The following APBA2 variants were observed in gnomAD, a reference collection of about 807,000 sequenced individuals.
The protein encoded by APBA2 is amyloid-beta A4 precursor protein-binding family A member 2.
A neutral mutation model predicts 75.0 loss-of-function variants in APBA2; 30 were observed. That is an observed-to-expected ratio of 0.40 (90% CI 0.30 to 0.54). APBA2 has a LOEUF of 0.54. Ranked by LOEUF, APBA2 falls within the 20% of genes least tolerant of loss-of-function variation. The pLI is 0.49. For synonymous variants in APBA2, 444 were observed against 409.6 expected, an observed-to-expected ratio of 1.08 and a Z score of -1.01; for missense variants, 801 against 1,016.1, an observed-to-expected ratio of 0.79 and a Z score of 2.88.
intron 2 of APBA2, among the ~76,000 whole-genome samples, chr15:28,967,034 G>C (rs2036776277): frequency 1.3e-5 from 2 of 152,166 alleles, no homozygotes. Context: ...TGAGGTGAAG[G>C]ACAGTCTAGT....
At chr15:29,090,150 C>T (rs1008029960) in intron 6 of APBA2, among the ~76,000 whole-genome samples, 4 of 152,290 alleles carry the variant, frequency 2.6e-5, no homozygotes, top group East Asian at 3.9e-4. Flanking sequence ...GATTGTTTCT[C>T]GCTGAACAAA....
intron 1 of APBA2, among the ~76,000 whole-genome samples, chr15:28,914,668 G>A (rs2033584126): frequency 6.6e-6 from 1 of 152,040 alleles, no homozygotes; most frequent in Non-Finnish European, 1.5e-5. Flanking sequence ...CCCAGGAAAA[G>A]TTACAGAAAA....
intron 2 of APBA2, among the ~76,000 whole-genome samples, chr15:28,924,351 A>G (rs1005886699): frequency 6.6e-6 from 1 of 152,178 alleles, no homozygotes; most frequent in African/African-American, 2.4e-5. Context: ...GGCACCCACT[A>G]TCTGTGTCTA....
intron 1 of APBA2, among the ~76,000 whole-genome samples, chr15:28,917,124 G>A (rs1257084420): frequency 1.3e-5 from 2 of 152,138 alleles, no homozygotes; most frequent in Non-Finnish European, 1.5e-5. Context: ...CCAGGGACCC[G>A]GGCAAAGGGT....
intron 4 of APBA2, among the ~76,000 whole-genome samples, chr15:29,073,514 C>A (rs1305296363): frequency 6.6e-6 from 1 of 152,156 alleles, no homozygotes; most frequent in Non-Finnish European, 1.5e-5. Context: ...CCATGCCCGG[C>A]TAATTTTTTG....
At chr15:28,909,719 G>T (rs2033339045) in intron 1 of APBA2, among the ~76,000 whole-genome samples, 1 of 152,192 alleles carries the variant, frequency 6.6e-6, no homozygotes, top group Admixed American at 6.5e-5. Context: ...CCCCCAAAGT[G>T]CAGCAGCAAC....
chr15:29,035,245 TGCTACC>T (rs1256145442), intron 3 of APBA2, among the ~76,000 whole-genome samples: 1 of 152,212 alleles, frequency 6.6e-6, no homozygotes, highest in Non-Finnish European at 1.5e-5. Context: ...AGTAAGGGCT[TGCTACC>T]GGGGCAGAGA....
Position 29,108,621 on chromosome 15 carries a change from TTCCCAGGC to T in APBA2, c.2037+237_2037+244del, listed in dbSNP as rs1294998336. 1.3e-5 allele frequency: 8 copies of T among 634,748 alleles called. No individual in the cohort carries two copies. The African/African-American group carries it at 1.5e-4, about 12-fold the overall frequency. The allele number at this position is 634,748 out of a possible 1,614,324, so 39.3% of individuals were successfully genotyped here. ...GCCGTGGATTGGGCCCCTCCAGCCT[TTCCCAGGC>T]TCCCTTGTCCCCATGGTGGTTGTCC... On this transcript the variant is annotated intron_variant, in intron 13 of 14. Transcript: ENST00000683413.
intron 8 of APBA2, among the ~76,000 whole-genome samples, chr15:29,098,172 T>C (rs2043943355): frequency 6.6e-6 from 1 of 152,202 alleles, no homozygotes; most frequent in African/African-American, 2.4e-5. Flanking sequence ...TGCCCAGCAG[T>C]GGGATTGCTG....
At chr15:29,053,763 AGGTGCTGT>A in intron 3 of APBA2, 74 bp from the exon 4 acceptor site, 3 of 810,220 alleles carry the variant, frequency 3.7e-6, no homozygotes, top group Non-Finnish European at 5.9e-6. Flanking sequence ...ACGTGGTGGG[AGGTGCTGT>A]GGTGAAGTGG....
At chr15:29,109,892 C>T (rs2044636809) in intron 13 of APBA2, among the ~76,000 whole-genome samples, 1 of 152,238 alleles carries the variant, frequency 6.6e-6, no homozygotes, top group Non-Finnish European at 1.5e-5. Context: ...GGCCCCGTGG[C>T]CCCTGGACCT....
intron 1 of APBA2, among the ~76,000 whole-genome samples, chr15:28,902,763 G>T (rs2032934125): frequency 6.6e-6 from 1 of 152,146 alleles, no homozygotes; most frequent in Non-Finnish European, 1.5e-5. Context: ...AAGGCAGATT[G>T]TGTCCCTCCA....
At chr15:29,052,303 A>G (rs1037443866) in intron 3 of APBA2, among the ~76,000 whole-genome samples, 1 of 151,786 alleles carries the variant, frequency 6.6e-6, no homozygotes, top group Non-Finnish European at 1.5e-5. Context: ...AAAATACGAA[A>G]AATTAGCTCG....
chr15:29,071,627 G>A (rs1387184485), intron 4 of APBA2, among the ~76,000 whole-genome samples: 1 of 147,086 alleles, frequency 6.8e-6, no homozygotes, highest in African/African-American at 2.5e-5. Context: ...AAATCCATGT[G>A]GGCCTCCCAC....
chr15:28,887,176 A>G (rs1411922982), intron 1 of APBA2, among the ~76,000 whole-genome samples: 1 of 152,172 alleles, frequency 6.6e-6, no homozygotes, highest in Non-Finnish European at 1.5e-5. Flanking sequence ...CCAGACATAA[A>G]TCTGTGGTTG....
chr15:28,958,331 C>T (rs932481822), intron 2 of APBA2, among the ~76,000 whole-genome samples: 11 of 152,246 alleles, frequency 7.2e-5, no homozygotes, highest in Non-Finnish European at 1.6e-4. Context: ...GAAACCATTA[C>T]TGGGCCCAGG....
At chr15:29,011,819 TA>T (rs2039417510) in intron 3 of APBA2, among the ~76,000 whole-genome samples, 1 of 152,252 alleles carries the variant, frequency 6.6e-6, no homozygotes, top group African/African-American at 2.4e-5. Flanking sequence ...TCTCCCTTTA[TA>T]AATTTTGAGT....
rs1457225768 is a variant in APBA2 at position 29,094,163 on chromosome 15, C to G, written c.1216-115C>G. 3 of 1,137,576 alleles carry G rather than the reference C, an allele frequency of 2.6e-6. No individual in the cohort carries two copies. The Admixed American group carries it at 5.1e-5, about 19-fold the overall frequency. 70.5% of individuals were successfully genotyped at this position (1,137,576 alleles called of 1,614,324 possible). A position where few individuals can be genotyped will look rare whatever the true frequency, so the allele number is the denominator to read the frequency against. ...TGGCTGTCCACCCGTCCCTGCTGGG[C>G]TTTGCTAGGCACCAGACCTGAGAGT... On this transcript the variant is annotated intron_variant, in intron 7 of 14. Coordinates refer to ENST00000683413, the MANE Select transcript of APBA2 (RefSeq NM_001353788.2).
chr15:28,984,933 CTCT>C (rs2037836815), intron 2 of APBA2, among the ~76,000 whole-genome samples: 2 of 151,840 alleles, frequency 1.3e-5, no homozygotes. Context: ...CTCTCTCTCT[CTCT>C]CCCTCTCTCC....
Sources: allele counts gnomAD v4.1 joint callset (sites outside exome capture counted in the v4.1 genomes callset), GRCh38; gene constraint gnomAD v4.1.1; transcripts MANE v1.5; gene names NCBI Gene and HGNC (gene_info 2026-07-23, HGNC 2026-07-21).